Variants in CIPC observed in about 807,000 individuals in gnomAD.
The protein encoded by CIPC is CLOCK-interacting pacemaker.
Under a neutral mutation model 26.7 loss-of-function variants are expected in CIPC, and 12 were observed. The observed-to-expected ratio is 0.45, with a 90% CI of 0.29 to 0.73. The LOEUF is 0.73. Among genes scored for constraint, CIPC ranks in the 30% least tolerant of loss-of-function variants. CIPC has a pLI of 0.12. For missense variants in CIPC, 417 were observed against 486.5 expected (o/e 0.86, Z 1.34); for synonymous variants, 170 against 189.8 (o/e 0.90, Z 0.86).
Position 77,112,937 on chromosome 14 carries a change from C to T in CIPC, c.307-488C>T, listed in dbSNP as rs371651267. 2.0e-5 allele frequency among the ~76,000 whole-genome samples: 3 copies of T among 152,244 alleles called. No homozygotes were observed. The East Asian group carries it at 5.8e-4, about 29-fold the overall frequency. On this transcript the variant is annotated intron_variant, in intron 3 of 3. Transcript: ENST00000361786. The stretch of plus-strand genomic sequence containing the variant: ...ACGTTGGCCAGGCTGGTCTCGAACT[C>T]CTGACCTCAGGTGATCCACCTCCCT...
chr14:77,108,095 G>A (rs2655991), intron 2 of CIPC, among the ~76,000 whole-genome samples: 42,020 of 151,952 alleles, frequency 0.28, 5,896 homozygotes, highest in Admixed American at 0.33. Flanking sequence ...CATTATTAGG[G>A]TCAGGATTAG....
At chr14:77,107,468 G>C (rs1594820738) in intron 2 of CIPC, among the ~76,000 whole-genome samples, 1 of 152,126 alleles carries the variant, frequency 6.6e-6, no homozygotes, top group Non-Finnish European at 1.5e-5. Context: ...AGTTATTCCA[G>C]TTACCTTGGA....
chr14:77,105,879 G>A, intron 2 of CIPC, 35 bp downstream of exon 2: 3 of 1,608,320 alleles, frequency 1.9e-6, no homozygotes, highest in Non-Finnish European at 2.5e-6. Context: ...TGTTTTGTGA[G>A]TGAATGCTTT....
intron 2 of CIPC, among the ~76,000 whole-genome samples, chr14:77,106,982 T>C (rs1157339745): frequency 6.6e-6 from 1 of 152,190 alleles, no homozygotes; most frequent in Non-Finnish European, 1.5e-5. Flanking sequence ...GAGGCATTTG[T>C]TAAAAATATT....
chr14:77,113,545 A>G lies in CIPC; in HGVS notation c.427A>G (p.Thr143Ala), dbSNP rs748085958. The G allele has an allele frequency of 3.1e-6, 5 of 1,614,072 alleles. No homozygotes were observed. Among genetic ancestry groups the G allele is most frequent in the Admixed American group, 3.3e-5 (2 of 60,002 alleles). ...ACCATCTCCTGTCAGTCCATGTCACACTGGTGAGAAAAAGTCCGACTCCAG... is the reference window on the plus strand; with the variant it reads ...ACCATCTCCTGTCAGTCCATGTCACGCTGGTGAGAAAAAGTCCGACTCCAG... The part of the protein sequence containing the change: ...PVPSPVSPCH[T>A]GEKKSDSRNY... Residue 143 changes from threonine to alanine, a missense_variant, in exon 4 of 4, where the codon ACT becomes GCT. Coordinates refer to ENST00000361786, the MANE Select transcript of CIPC (RefSeq NM_033426.3).
At chr14:77,103,241 G>A (rs538778694) in intron 1 of CIPC, among the ~76,000 whole-genome samples, 4 of 152,296 alleles carry the variant, frequency 2.6e-5, no homozygotes, top group South Asian at 2.1e-4. Context: ...GCAAAAGTAC[G>A]AGCAAGAGGG....
At chr14:77,112,701 GTTT>G (rs200023584) in intron 3 of CIPC, among the ~76,000 whole-genome samples, 1 of 147,970 alleles carries the variant, frequency 6.8e-6, no homozygotes, top group African/African-American at 2.5e-5. Context: ...TTTTCTTTCT[GTTT>G]TTTTTTGTTG....
rs574666058 is a variant in CIPC at position 77,107,623 on chromosome 14, TC to T, written c.136+1780del. Reference sequence around the variant, plus strand: ...CATATATGCTTTCTCTCTCTCGCTCTCTTTACACACACACACACACACACAC... The same window carrying T: ...CATATATGCTTTCTCTCTCTCGCTCTTTTACACACACACACACACACACAC... On this transcript the variant is annotated intron_variant, in intron 2 of 3. Transcript: ENST00000361786. Among the ~76,000 whole-genome samples the T allele has an allele frequency of 4.2e-4, 52 of 124,968 alleles. 1 individual carries two copies. Among genetic ancestry groups the T allele is most frequent in the African/African-American group, 1.4e-3 (48 of 33,330 alleles). The allele number at this position is 124,968 out of a possible 152,430, so 82.0% of individuals were successfully genotyped here.
intron 2 of CIPC, among the ~76,000 whole-genome samples, chr14:77,107,658 A>ACTCTCTCTCT (rs55735817): frequency 1.1e-4 from 16 of 145,150 alleles, no homozygotes; most frequent in Non-Finnish European, 1.6e-4. Flanking sequence ...ACACACACAC[A>ACTCTCTCTCT]CTCTCTCTCT....
At chr14:77,100,293 G>A (rs533408931) in intron 1 of CIPC, among the ~76,000 whole-genome samples, 2 of 144,954 alleles carry the variant, frequency 1.4e-5, no homozygotes, top group African/African-American at 2.6e-5. Flanking sequence ...CCAGGCTGGA[G>A]TGCAGAGGCA....
intron 3 of CIPC, among the ~76,000 whole-genome samples, chr14:77,113,218 A>G (rs1298343589): frequency 3.3e-5 from 5 of 152,202 alleles, no homozygotes; most frequent in Admixed American, 2.6e-4. Context: ...AAAAATAGGT[A>G]TTTCCTCCAG....
chr14:77,113,667 A>C lies in CIPC; in HGVS notation c.549A>C (p.Gly183=). The part of the protein sequence containing the change: ...SLGPEEKGTS[G]VQKKICTERL... Reference sequence around the variant, plus strand: ...GCCCAGAAGAAAAAGGAACAAGTGGAGTGCAGAAGAAAATCTGTACTGAGA... The same window carrying C: ...GCCCAGAAGAAAAAGGAACAAGTGGCGTGCAGAAGAAAATCTGTACTGAGA... Residue 183 remains glycine (G), a synonymous_variant, in exon 4 of 4, where the codon GGA becomes GGC. Coordinates refer to ENST00000361786, the MANE Select transcript of CIPC (RefSeq NM_033426.3). 1 of 1,613,730 alleles carries C rather than the reference A, an allele frequency of 6.2e-7. No homozygotes were observed. Among genetic ancestry groups the C allele is most frequent in the Non-Finnish European group, 8.5e-7 (1 of 1,179,870 alleles).
intron 1 of CIPC, among the ~76,000 whole-genome samples, chr14:77,101,759 TGGACGGC>T (rs1357119477): frequency 1.3e-5 from 2 of 152,192 alleles, no homozygotes; most frequent in African/African-American, 4.8e-5. Context: ...TGATGAAGAA[TGGACGGC>T]TGTGTAGAAA....
At chr14:77,106,312 C>G (rs1207603883) in intron 2 of CIPC, among the ~76,000 whole-genome samples, 1 of 152,072 alleles carries the variant, frequency 6.6e-6, no homozygotes, top group Non-Finnish European at 1.5e-5. Context: ...TAGAAATGTA[C>G]GCCTCCAACA....
intron 1 of CIPC, among the ~76,000 whole-genome samples, chr14:77,102,341 T>C (rs1024511553): frequency 9.9e-5 from 15 of 152,186 alleles, no homozygotes; most frequent in Admixed American, 2.0e-4. Flanking sequence ...CACTCCAGCC[T>C]GGGCGACAGA....
chr14:77,114,253 T>G lies in CIPC; in HGVS notation c.1135T>G (p.Leu379Val). Residue 379 changes from leucine to valine, a missense_variant, in exon 4 of 4, where the codon TTA (leucine) becomes GTA (valine). Leu to Val is a conservative substitution (Grantham distance 32). Transcript: ENST00000361786. ...GGCTTGGGCCAAGCTGCAGGCATCT[T>G]TAACACCTGGGTCCAGTAATACAGG... Reference protein sequence around the residue: ...PQAWAKLQASLTPGSSNTGSD... With the variant: ...PQAWAKLQASVTPGSSNTGSD... 2 of 1,614,040 alleles carry G rather than the reference T, an allele frequency of 1.2e-6. No homozygotes were observed. Among genetic ancestry groups the G allele is most frequent in the Non-Finnish European group, 1.7e-6 (2 of 1,179,994 alleles).
rs371651267 is a variant in CIPC at position 77,112,937 on chromosome 14, C to A, written c.307-488C>A. On this transcript the variant is annotated intron_variant, in intron 3 of 3. Transcript: ENST00000361786. ...ACGTTGGCCAGGCTGGTCTCGAACT[C>A]CTGACCTCAGGTGATCCACCTCCCT... Among the ~76,000 whole-genome samples the A allele has an allele frequency of 2.0e-5, 3 of 152,126 alleles. No homozygotes were observed. The South Asian group carries it at 6.2e-4, about 32-fold the overall frequency.
At chr14:77,110,451 C>A (rs12881884) in intron 3 of CIPC, among the ~76,000 whole-genome samples, 3,074 of 151,096 alleles carry the variant, frequency 0.02, 49 homozygotes, top group Non-Finnish European at 0.033. Flanking sequence ...TGAGCATTTT[C>A]TTAGTAGTCA....
In CIPC at chr14:77,114,150, G is replaced by T; in HGVS notation, c.1032G>T (p.Gln344His). The T allele has an allele frequency of 6.2e-7, 1 of 1,614,132 alleles. No homozygotes were observed. Among genetic ancestry groups the T allele is most frequent in the South Asian group, 1.1e-5 (1 of 91,072 alleles). ...LKTKELIRQNQATQVELDQLK... is the reference protein window; with the variant it reads ...LKTKELIRQNHATQVELDQLK... ...CCAAGGAGTTGATTCGTCAGAATCA[G>T]GCAACTCAGGTAGAACTAGACCAGC... Residue 344 changes from glutamine to histidine, a missense_variant, in exon 4 of 4, where the codon CAG becomes CAT. By Grantham distance (24) the Gln-to-His change is conservative. Transcript: ENST00000361786.
Sources: gnomAD v4.1 joint callset for allele counts (sites outside exome capture counted in the v4.1 genomes callset) on GRCh38, gnomAD v4.1.1 for gene constraint, MANE v1.5 for transcripts, NCBI Gene and HGNC (gene_info 2026-07-23, HGNC 2026-07-21) for gene names.